BBS9: variants seen among roughly 807,000 people sequenced by gnomAD.
The protein encoded by BBS9 is protein PTHB1.
BBS9 carries 89 observed loss-of-function variants against 117.7 expected under a neutral mutation model. That is an observed-to-expected ratio of 0.76 (90% CI 0.64 to 0.90). The LOEUF (loss-of-function observed/expected upper bound fraction) is 0.90. Among genes scored for constraint, BBS9 ranks in the 40% least tolerant of loss-of-function variants. The pLI is 0.00. For missense variants in BBS9, 982 were observed against 1,042.2 expected (o/e 0.94, Z 0.80); for synonymous variants, 379 against 370.9 (o/e 1.02, Z -0.25).
chr7:33,302,240 G>T (rs1456861996), intron 9 of BBS9, among the ~76,000 whole-genome samples: 1 of 151,952 alleles, frequency 6.6e-6, no homozygotes, highest in Non-Finnish European at 1.5e-5. Flanking sequence ...CTCTTCACTT[G>T]GTTGATTGTT....
intron 19 of BBS9, among the ~76,000 whole-genome samples, chr7:33,431,522 C>G (rs1219988840): frequency 1.3e-5 from 2 of 152,140 alleles, no homozygotes; most frequent in Non-Finnish European, 2.9e-5. Flanking sequence ...GTGGTGCTAT[C>G]ACAAATAGGA....
At chr7:33,221,959 T>TA (rs1201451812) in intron 5 of BBS9, among the ~76,000 whole-genome samples, 1 of 152,096 alleles carries the variant, frequency 6.6e-6, no homozygotes, top group African/African-American at 2.4e-5. Flanking sequence ...AAAGACCAAA[T>TA]ACAGTATAAG....
intron 21 of BBS9, among the ~76,000 whole-genome samples, chr7:33,625,698 GGAGCCTAACA>G (rs2129225667): frequency 6.6e-6 from 1 of 152,224 alleles, no homozygotes; most frequent in African/African-American, 2.4e-5. Flanking sequence ...TGTTAGTGAT[GGAGCCTAACA>G]GATCCAATTC....
chr7:33,517,929 G>A (rs967748605), intron 20 of BBS9, among the ~76,000 whole-genome samples: 1 of 152,134 alleles, frequency 6.6e-6, no homozygotes, highest in African/African-American at 2.4e-5. Context: ...AGTTATATGT[G>A]CATGTGCTTA....
chr7:33,162,879 C>T (rs1011564781), intron 4 of BBS9, among the ~76,000 whole-genome samples: 1 of 152,002 alleles, frequency 6.6e-6, no homozygotes, highest in African/African-American at 2.4e-5. Context: ...GAATAGGAGT[C>T]GTGAGAGAGG....
chr7:33,143,870 G>A (rs1791929073), intron 1 of BBS9, among the ~76,000 whole-genome samples: 1 of 151,386 alleles, frequency 6.6e-6, no homozygotes, highest in African/African-American at 2.4e-5. Flanking sequence ...CAGCTCATTT[G>A]TGTATCTTCT....
intron 5 of BBS9, among the ~76,000 whole-genome samples, chr7:33,245,299 G>A (rs1020286822): frequency 5.3e-5 from 8 of 151,634 alleles, no homozygotes; most frequent in Non-Finnish European, 1.2e-4. Flanking sequence ...TTTTTTAAGA[G>A]CAGATTTAAC....
At chr7:33,146,502 C>G in intron 2 of BBS9, 138 bp downstream of exon 2, 1 of 684,396 alleles carries the variant, frequency 1.5e-6, no homozygotes, top group Non-Finnish European at 2.7e-6. Context: ...GAGTACGAGA[C>G]CAGCCTGGCC....
At chr7:33,219,059 C>T (rs1053063547) in intron 5 of BBS9, among the ~76,000 whole-genome samples, 5 of 152,320 alleles carry the variant, frequency 3.3e-5, no homozygotes, top group East Asian at 1.9e-4. Flanking sequence ...TGGCGGGCCC[C>T]GCACTCGGAG....
intron 9 of BBS9, among the ~76,000 whole-genome samples, chr7:33,323,989 C>T (rs905963018): frequency 2.0e-5 from 3 of 151,930 alleles, no homozygotes; most frequent in Non-Finnish European, 4.4e-5. Flanking sequence ...AGGCAGGTGC[C>T]ACCACACCTG....
At chr7:33,182,913 G>A (rs1798287220) in intron 5 of BBS9, among the ~76,000 whole-genome samples, 1 of 152,072 alleles carries the variant, frequency 6.6e-6, no homozygotes, top group Admixed American at 6.6e-5. Flanking sequence ...AAAGGGATGG[G>A]TAGCAGCCCA....
intron 4 of BBS9, among the ~76,000 whole-genome samples, chr7:33,162,800 T>C (rs1480946714): frequency 1.3e-5 from 2 of 152,130 alleles, no homozygotes; most frequent in East Asian, 1.9e-4. Flanking sequence ...TTTCCCTTTT[T>C]CCTAATTGAA....
intron 19 of BBS9, among the ~76,000 whole-genome samples, chr7:33,452,421 A>G (rs1180834705): frequency 6.6e-6 from 1 of 152,158 alleles, no homozygotes; most frequent in African/African-American, 2.4e-5. Flanking sequence ...AGTCAAAACA[A>G]TGTTCACAAA....
chr7:33,317,801 C>T (rs1354659056), intron 9 of BBS9, among the ~76,000 whole-genome samples: 5 of 152,176 alleles, frequency 3.3e-5, no homozygotes, highest in African/African-American at 7.2e-5. Context: ...CCTGTAAGCT[C>T]AGCACTTTGG....
chr7:33,530,983 GC>G (rs1239432762), intron 20 of BBS9, among the ~76,000 whole-genome samples: 1 of 152,130 alleles, frequency 6.6e-6, no homozygotes, highest in Non-Finnish European at 1.5e-5. Flanking sequence ...GGTGGCTCAT[GC>G]CTGCAATCCT....
intron 19 of BBS9, among the ~76,000 whole-genome samples, chr7:33,439,309 T>C (rs1158793781): frequency 6.6e-6 from 1 of 152,212 alleles, no homozygotes; most frequent in Non-Finnish European, 1.5e-5. Context: ...TTATGTGAGC[T>C]CTTACTACTT....
At chr7:33,414,518 A>T (rs989026671) in intron 19 of BBS9, among the ~76,000 whole-genome samples, 2 of 152,220 alleles carry the variant, frequency 1.3e-5, no homozygotes, top group Non-Finnish European at 2.9e-5. Flanking sequence ...CTTTGTGTGT[A>T]TACATGCATG....
At chr7:33,232,272 A>G (rs1398267477) in intron 5 of BBS9, among the ~76,000 whole-genome samples, 1 of 152,172 alleles carries the variant, frequency 6.6e-6, no homozygotes, top group Non-Finnish European at 1.5e-5. Context: ...ATATCATTTT[A>G]AAAATTATAC....
chr7:33,327,121 C>T lies in BBS9; in HGVS notation c.1017-9320C>T, dbSNP rs186908799. 2.3e-3 allele frequency among the ~76,000 whole-genome samples: 347 copies of T among 152,220 alleles called. 3 individuals are homozygous for T. Among genetic ancestry groups the T allele is most frequent in the Non-Finnish European group, 2.5e-3 (168 of 68,012 alleles). ...TATTTGGGACCACAGAACACTTTAC[C>T]TGCAGTGGCAAGGTTTCCTGGAACT... On this transcript the variant is annotated intron_variant, in intron 9 of 22. Transcript: ENST00000242067.
Sources: allele counts gnomAD v4.1 joint callset (sites outside exome capture counted in the v4.1 genomes callset), GRCh38; gene constraint gnomAD v4.1.1; transcripts MANE v1.5; gene names NCBI Gene and HGNC (gene_info 2026-07-23, HGNC 2026-07-21).